Variants in WDR49 observed in about 807,000 individuals in gnomAD.
WDR49 encodes the protein WD repeat domain 49.
WDR49 carries 107 observed loss-of-function variants against 119.5 expected under a neutral mutation model. The ratio of observed to expected loss-of-function variants is 0.90; its 90% CI spans 0.77 to 1.05. The LOEUF (loss-of-function observed/expected upper bound fraction) is 1.05. Ranked by LOEUF, WDR49 falls within the 50% of genes least tolerant of loss-of-function variation. The probability of loss-of-function intolerance (pLI) is 0.00; values close to 1 mark genes in which losing one functional copy is unlikely to be tolerated. For synonymous variants in WDR49, 425 were observed against 418.8 expected, an observed-to-expected ratio of 1.01 and a Z score of -0.18; for missense variants, 1,240 against 1,220.5, an observed-to-expected ratio of 1.02 and a Z score of -0.24.
upstream of WDR49, among the ~76,000 whole-genome samples, chr3:167,656,627 A>C (rs536928448): frequency 2.6e-5 from 4 of 152,214 alleles, no homozygotes; most frequent in African/African-American, 9.6e-5. Flanking sequence ...ATTACAGTAG[A>C]AGTTAATCAA....
chr3:167,582,715 C>T (rs1714601744), intron 7 of WDR49, among the ~76,000 whole-genome samples: 2 of 151,968 alleles, frequency 1.3e-5, no homozygotes, highest in South Asian at 4.1e-4. Flanking sequence ...TTTGGGAGGC[C>T]GAGGCAGGCA....
chr3:167,626,296 G>C (rs571292926), intron 3 of WDR49, among the ~76,000 whole-genome samples: 126 of 151,876 alleles, frequency 8.3e-4, no homozygotes, highest in Middle Eastern at 3.4e-3. Flanking sequence ...TCTGCTTGTG[G>C]GTGCATTTGA....
chr3:167,609,979 T>C (rs1344042588), intron 5 of WDR49, among the ~76,000 whole-genome samples: 1 of 152,168 alleles, frequency 6.6e-6, no homozygotes, highest in South Asian at 2.1e-4. Context: ...AAAAGAGCCA[T>C]TCCTGGCAGC....
intron 10 of WDR49, among the ~76,000 whole-genome samples, chr3:167,539,906 T>C (rs1310646384): frequency 6.6e-6 from 1 of 152,174 alleles, no homozygotes; most frequent in Non-Finnish European, 1.5e-5. Flanking sequence ...CAGCAGTGTC[T>C]AGAATAATAC....
intron 5 of WDR49, among the ~76,000 whole-genome samples, chr3:167,618,503 T>C (rs1716708051): frequency 6.6e-6 from 1 of 152,210 alleles, no homozygotes; most frequent in Non-Finnish European, 1.5e-5. Context: ...TTCCAAAAAT[T>C]ATCTGCTTGA....
intron 5 of WDR49, among the ~76,000 whole-genome samples, chr3:167,608,403 A>C (rs570977239): frequency 6.6e-6 from 1 of 152,210 alleles, no homozygotes; most frequent in Non-Finnish European, 1.5e-5. Context: ...CCAGGTTATA[A>C]AGAAAGACAT....
chr3:167,523,378 C>T lies in WDR49; in HGVS notation c.2605-894G>A, dbSNP rs553032516. Among the ~76,000 whole-genome samples, 9 of 139,896 alleles carry T rather than the reference C, an allele frequency of 6.4e-5. No homozygotes were observed. In the East Asian group the frequency reaches 1.6e-3, roughly 24 times the overall value. 91.8% of individuals were successfully genotyped at this position (139,896 alleles called of 152,430 possible). A position where few individuals can be genotyped will look rare whatever the true frequency, so the allele number is the denominator to read the frequency against. ...ATAGTTACTCTTAAGGAATGACATA[C>T]ATTCTTTTTTTTTTTTTCCACCTTA... On this transcript the variant is annotated intron_variant, in intron 15 of 18. Coordinates refer to ENST00000682715, the MANE Select transcript of WDR49 (RefSeq NM_001366157.1).
chr3:167,548,302 C>A (rs1410191124), intron 10 of WDR49, among the ~76,000 whole-genome samples: 2 of 151,946 alleles, frequency 1.3e-5, no homozygotes, highest in Non-Finnish European at 2.9e-5. Flanking sequence ...TCAGATTCCT[C>A]GGCACTTGTA....
intron 7 of WDR49, among the ~76,000 whole-genome samples, chr3:167,581,972 C>T (rs539582896): frequency 1.3e-5 from 2 of 151,622 alleles, no homozygotes; most frequent in Non-Finnish European, 2.9e-5. Flanking sequence ...CTCCTGTTAT[C>T]CTGTTAGAGA....
chr3:167,506,993 T>G (rs2108215785), intron 16 of WDR49, among the ~76,000 whole-genome samples: 1 of 152,280 alleles, frequency 6.6e-6, no homozygotes, highest in East Asian at 1.9e-4. Flanking sequence ...CAAGGGTGCA[T>G]GCTATCAAAC....
At chr3:167,611,805 A>G (rs1041231616) in intron 5 of WDR49, among the ~76,000 whole-genome samples, 7 of 152,190 alleles carry the variant, frequency 4.6e-5, no homozygotes, top group African/African-American at 1.7e-4. Context: ...TTAAATAAAA[A>G]TGCAGCTACC....
chr3:167,532,748 A>G, intron 12 of WDR49, 131 bp downstream of exon 12: 1 of 576,704 alleles, frequency 1.7e-6, no homozygotes, highest in South Asian at 3.0e-5. Context: ...AGACAATGAT[A>G]TCCTTAATCC....
intron 13 of WDR49, 102 bp from the exon 14 acceptor site, chr3:167,529,341 G>T: frequency 9.4e-7 from 1 of 1,068,104 alleles, no homozygotes; most frequent in East Asian, 2.6e-5. Flanking sequence ...TGTTGAAGAG[G>T]TGAGTAGCCC....
chr3:167,508,883 A>G (rs976128180), intron 16 of WDR49, among the ~76,000 whole-genome samples: 3 of 152,168 alleles, frequency 2.0e-5, no homozygotes, highest in Non-Finnish European at 2.9e-5. Context: ...TCTTATAGCT[A>G]TTTATCTATT....
intron 7 of WDR49, among the ~76,000 whole-genome samples, chr3:167,580,047 T>A (rs1314170043): frequency 6.6e-6 from 1 of 152,190 alleles, no homozygotes; most frequent in Non-Finnish European, 1.5e-5. Flanking sequence ...CACTGACATT[T>A]AGTCACATAA....
Position 167,501,473 on chromosome 3 carries a change from G to C in WDR49, c.2885-1174C>G, listed in dbSNP as rs73878730. Among the ~76,000 whole-genome samples the C allele has an allele frequency of 9.2e-4, 140 of 152,190 alleles. 1 individual carries two copies. The highest frequency in any genetic ancestry group is 3.0e-3 in the African/African-American group (124 of 41,530). On this transcript the variant is annotated intron_variant, in intron 17 of 18. Coordinates refer to ENST00000682715, the MANE Select transcript of WDR49 (RefSeq NM_001366157.1). ...TCAAAGTGCTTTACATATCTATCTC[G>C]TGTAATCCTAACAAAAACTCCGTGG...
upstream of WDR49, among the ~76,000 whole-genome samples, chr3:167,656,937 G>C (rs1718618240): frequency 6.6e-6 from 1 of 152,144 alleles, no homozygotes; most frequent in South Asian, 2.1e-4. Flanking sequence ...TGCCAGCATA[G>C]TGGAGCCCTA....
intron 7 of WDR49, among the ~76,000 whole-genome samples, chr3:167,587,027 T>C (rs755487528): frequency 6.6e-6 from 1 of 152,284 alleles, no homozygotes; most frequent in South Asian, 2.1e-4. Context: ...ATATATATGG[T>C]ATAATTCCAG....
Position 167,522,300 on chromosome 3 carries a change from T to A in WDR49, c.2774+15A>T, listed in dbSNP as rs1354520459. The A allele has an allele frequency of 6.4e-7, 1 of 1,566,582 alleles. No homozygotes were observed. Among genetic ancestry groups the A allele is most frequent in the African/African-American group, 1.4e-5 (1 of 71,976 alleles). ...GACTTCAGTTGACATCTGGCTAATG[T>A]TCAAAATTACTTACTTGTATGTTGA... On this transcript the variant is annotated intron_variant, in intron 16 of 18. Transcript: ENST00000682715.
Sources: gnomAD v4.1 joint callset for allele counts (sites outside exome capture counted in the v4.1 genomes callset) on GRCh38, gnomAD v4.1.1 for gene constraint, MANE v1.5 for transcripts, NCBI Gene and HGNC (gene_info 2026-07-23, HGNC 2026-07-21) for gene names.